The following CPQ variants were observed in gnomAD, a reference collection of about 807,000 sequenced individuals.
CPQ encodes Ser-Met dipeptidase.
A neutral mutation model predicts 45.7 loss-of-function variants in CPQ; 37 were observed. The ratio of observed to expected loss-of-function variants is 0.81; its 90% CI spans 0.62 to 1.07. CPQ has a LOEUF of 1.07. Ranked by LOEUF, CPQ falls within the 50% of genes least tolerant of loss-of-function variation. The pLI is 0.00. For missense variants in CPQ, 537 were observed against 572.9 expected, an observed-to-expected ratio of 0.94 and a Z score of 0.64; for synonymous variants, 186 against 205.8, an observed-to-expected ratio of 0.90 and a Z score of 0.82.
chr8:97,141,777 A>G (rs545265257), intron 7 of CPQ, among the ~76,000 whole-genome samples: 2 of 152,342 alleles, frequency 1.3e-5, no homozygotes, highest in South Asian at 4.1e-4. Context: ...ATATACTGCA[A>G]TAAAACATGA....
At chr8:96,725,654 C>T (rs1312214667) in intron 1 of CPQ, among the ~76,000 whole-genome samples, 2 of 152,150 alleles carry the variant, frequency 1.3e-5, no homozygotes, top group African/African-American at 4.8e-5. Context: ...ATTGGTTCAG[C>T]CACTGTGGAA....
chr8:97,079,958 G>T (rs1810917016), intron 7 of CPQ, among the ~76,000 whole-genome samples: 1 of 152,144 alleles, frequency 6.6e-6, no homozygotes, highest in South Asian at 2.1e-4. Context: ...ATTCAGGACA[G>T]CTAGAAACTT....
chr8:96,878,168 A>G (rs1346695104), intron 3 of CPQ, among the ~76,000 whole-genome samples: 1 of 152,020 alleles, frequency 6.6e-6, no homozygotes, highest in African/African-American at 2.4e-5. Context: ...GGGTTTCCCC[A>G]TGTTGGCCAG....
intron 1 of CPQ, among the ~76,000 whole-genome samples, chr8:96,683,093 T>C (rs1476298396): frequency 2.0e-5 from 3 of 152,208 alleles, no homozygotes; most frequent in Non-Finnish European, 4.4e-5. Flanking sequence ...CTTCTTTGTC[T>C]TTCTCATTTG....
chr8:96,650,633 G>A (rs959528321), intron 1 of CPQ, among the ~76,000 whole-genome samples: 2 of 152,216 alleles, frequency 1.3e-5, no homozygotes, highest in South Asian at 2.1e-4. Context: ...TTGGAACCTT[G>A]GCCTTCTGCA....
At chr8:97,011,788 C>T (rs1278090682) in intron 5 of CPQ, among the ~76,000 whole-genome samples, 1 of 152,088 alleles carries the variant, frequency 6.6e-6, no homozygotes, top group Non-Finnish European at 1.5e-5. Context: ...GCATAGAGTG[C>T]CCAGTCAATC....
chr8:97,130,420 GTTTTT>G lies in CPQ; in HGVS notation c.1256-12582_1256-12578del, dbSNP rs67911510. Among the ~76,000 whole-genome samples the G allele has an allele frequency of 4.5e-3, 561 of 125,352 alleles. 1 individual carries two copies. The highest frequency in any genetic ancestry group is 6.2e-3 in the African/African-American group (214 of 34,496). 82.2% of individuals were successfully genotyped at this position (125,352 alleles called of 152,430 possible). ...TTAGCTTCCTCTATCATCGTCAGCT[GTTTTT>G]TTTTTTTTTTTTTTTTTCCACAAAA... On this transcript the variant is annotated intron_variant, in intron 7 of 7. Transcript: ENST00000220763.
intron 2 of CPQ, among the ~76,000 whole-genome samples, chr8:96,808,579 A>T (rs1249115802): frequency 3.9e-5 from 6 of 152,184 alleles, no homozygotes; most frequent in African/African-American, 1.4e-4. Flanking sequence ...AAAACCCCTC[A>T]TGTTAAGGCA....
At chr8:96,957,740 T>C (rs1385325441) in intron 4 of CPQ, among the ~76,000 whole-genome samples, 4 of 151,458 alleles carry the variant, frequency 2.6e-5, no homozygotes, top group Non-Finnish European at 5.9e-5. Flanking sequence ...CAGAGGTTGC[T>C]GTGAGCCAAG....
intron 1 of CPQ, among the ~76,000 whole-genome samples, chr8:96,781,604 C>T (rs1440737810): frequency 1.3e-5 from 2 of 152,172 alleles, no homozygotes; most frequent in Non-Finnish European, 2.9e-5. Flanking sequence ...AGTATTCCTC[C>T]TGTCATGTTT....
intron 1 of CPQ, among the ~76,000 whole-genome samples, chr8:96,757,934 C>T (rs949510499): frequency 5.3e-5 from 8 of 151,968 alleles, no homozygotes; most frequent in South Asian, 2.1e-4. Flanking sequence ...CTTCACTTGC[C>T]GTTCACACAT....
intron 7 of CPQ, among the ~76,000 whole-genome samples, chr8:97,127,101 A>C (rs537262580): frequency 6.6e-6 from 1 of 152,350 alleles, no homozygotes; most frequent in African/African-American, 2.4e-5. Flanking sequence ...TTTTGACCTC[A>C]GGTTAGGTAA....
At chr8:96,796,993 G>T (rs1810938924) in intron 2 of CPQ, among the ~76,000 whole-genome samples, 1 of 152,200 alleles carries the variant, frequency 6.6e-6, no homozygotes, top group Non-Finnish European at 1.5e-5. Flanking sequence ...GTAAGCTAAT[G>T]ATGCAGATTT....
chr8:96,715,160 G>A (rs962250861), intron 1 of CPQ, among the ~76,000 whole-genome samples: 3 of 152,178 alleles, frequency 2.0e-5, no homozygotes, highest in African/African-American at 7.2e-5. Context: ...AAACCAGTGT[G>A]GCCAAAGCAG....
intron 1 of CPQ, among the ~76,000 whole-genome samples, chr8:96,706,924 G>A (rs1410232698): frequency 6.6e-6 from 1 of 152,130 alleles, no homozygotes; most frequent in Non-Finnish European, 1.5e-5. Context: ...TAAAAAGCCT[G>A]TAGGTCAGTG....
At chr8:96,972,700 C>G (rs1183058470) in intron 5 of CPQ, among the ~76,000 whole-genome samples, 1 of 152,206 alleles carries the variant, frequency 6.6e-6, no homozygotes, top group African/African-American at 2.4e-5. Flanking sequence ...AGACAGATCA[C>G]ATCACAGGAC....
chr8:96,650,621 C>A lies in CPQ; in HGVS notation c.-35+5219C>A, dbSNP rs548272495. Among the ~76,000 whole-genome samples, 76 of 152,332 alleles carry A rather than the reference C, an allele frequency of 5.0e-4. 2 individuals carry two copies. In the South Asian group the frequency reaches 0.015, roughly 31 times the overall value. On this transcript the variant is annotated intron_variant, in intron 1 of 7. Transcript: ENST00000220763. Reference sequence around the variant, plus strand: ...TCCATTGTATCAACGCCTTGCCTTACCTTGGAACCTTGGCCTTCTGCAGTG... The same window carrying A: ...TCCATTGTATCAACGCCTTGCCTTAACTTGGAACCTTGGCCTTCTGCAGTG...
At chr8:97,091,220 G>T (rs1348007165) in intron 7 of CPQ, among the ~76,000 whole-genome samples, 1 of 152,176 alleles carries the variant, frequency 6.6e-6, no homozygotes, top group Non-Finnish European at 1.5e-5. Context: ...AAGCCCAGAA[G>T]GAGACTAAAG....
chr8:96,990,835 C>T (rs1162587605), intron 5 of CPQ, among the ~76,000 whole-genome samples: 2 of 152,144 alleles, frequency 1.3e-5, no homozygotes, highest in African/African-American at 4.8e-5. Flanking sequence ...CTAGGAAAAC[C>T]TCAAATATCC....
Sources: gnomAD v4.1 joint callset for allele counts (sites outside exome capture counted in the v4.1 genomes callset) on GRCh38, gnomAD v4.1.1 for gene constraint, MANE v1.5 for transcripts, NCBI Gene and HGNC (gene_info 2026-07-23, HGNC 2026-07-21) for gene names.